Variants in PITPNC1 observed in about 807,000 individuals in gnomAD.
PITPNC1 encodes the protein cytoplasmic phosphatidylinositol transfer protein 1.
Under a neutral mutation model 44.7 loss-of-function variants are expected in PITPNC1, and 18 were observed. That is an observed-to-expected ratio of 0.40 (90% CI 0.28 to 0.60). The LOEUF is 0.60. Among genes scored for constraint, PITPNC1 ranks in the 20% least tolerant of loss-of-function variants. The probability of loss-of-function intolerance (pLI) is 0.39; values close to 1 mark genes in which losing one functional copy is unlikely to be tolerated. For missense variants in PITPNC1, 290 were observed against 418.4 expected (o/e 0.69, Z 2.68); for synonymous variants, 141 against 149.6 (o/e 0.94, Z 0.42).
At chr17:67,590,848 G>A (rs1187585793) in intron 5 of PITPNC1, among the ~76,000 whole-genome samples, 1 of 152,026 alleles carries the variant, frequency 6.6e-6, no homozygotes, top group Non-Finnish European at 1.5e-5. Flanking sequence ...AGCTACTGGG[G>A]AGGCTGAGGC....
intron 6 of PITPNC1, among the ~76,000 whole-genome samples, chr17:67,646,469 G>A (rs1323284772): frequency 1.3e-5 from 2 of 152,166 alleles, no homozygotes; most frequent in Non-Finnish European, 2.9e-5. Flanking sequence ...AATTTTCAAC[G>A]AAAATTTCTC....
At chr17:67,630,367 C>T (rs998082459) in intron 5 of PITPNC1, among the ~76,000 whole-genome samples, 3 of 152,200 alleles carry the variant, frequency 2.0e-5, no homozygotes, top group African/African-American at 7.2e-5. Flanking sequence ...CCTGTAATCC[C>T]AGCACTTTGG....
At chr17:67,619,692 T>C (rs951500947) in intron 5 of PITPNC1, among the ~76,000 whole-genome samples, 1 of 152,090 alleles carries the variant, frequency 6.6e-6, no homozygotes, top group Admixed American at 6.6e-5. Flanking sequence ...CACCATCAGG[T>C]GCTCCTCTGA....
intron 1 of PITPNC1, among the ~76,000 whole-genome samples, chr17:67,416,372 C>T (rs1004899046): frequency 3.3e-5 from 5 of 151,584 alleles, no homozygotes; most frequent in African/African-American, 7.3e-5. Flanking sequence ...CCAGCCACCA[C>T]GCTTGGCTAA....
chr17:67,436,078 C>A (rs1202535637), intron 1 of PITPNC1, among the ~76,000 whole-genome samples: 1 of 152,030 alleles, frequency 6.6e-6, no homozygotes, highest in Non-Finnish European at 1.5e-5. Flanking sequence ...CTGCAGCCTC[C>A]AATTCCTGGG....
chr17:67,614,816 C>A (rs2041736664), intron 5 of PITPNC1, among the ~76,000 whole-genome samples: 1 of 151,758 alleles, frequency 6.6e-6, no homozygotes, highest in Non-Finnish European at 1.5e-5. Context: ...AGTTTGAGAG[C>A]AGCCTGGGGA....
chr17:67,478,602 C>T (rs1026234128), intron 1 of PITPNC1, among the ~76,000 whole-genome samples: 5 of 152,042 alleles, frequency 3.3e-5, no homozygotes, highest in African/African-American at 4.8e-5. Context: ...CTTCCTCCCC[C>T]AAAGAAAAAC....
At chr17:67,470,301 ACT>A (rs1027056268) in intron 1 of PITPNC1, among the ~76,000 whole-genome samples, 8 of 152,170 alleles carry the variant, frequency 5.3e-5, no homozygotes, top group Admixed American at 3.3e-4. Flanking sequence ...ATATACACAC[ACT>A]GTAGTCATGT....
chr17:67,651,490 G>T (rs2042209182), intron 6 of PITPNC1, among the ~76,000 whole-genome samples: 1 of 151,312 alleles, frequency 6.6e-6, no homozygotes, highest in African/African-American at 2.4e-5. Context: ...TCTAGCCCAG[G>T]TGACAGAATG....
At chr17:67,431,161 C>T (rs1046923452) in intron 1 of PITPNC1, among the ~76,000 whole-genome samples, 2 of 150,656 alleles carry the variant, frequency 1.3e-5, no homozygotes, top group African/African-American at 2.4e-5. Context: ...CGGGTTCAAG[C>T]GATTCTCATG....
chr17:67,403,499 G>C (rs57478291), intron 1 of PITPNC1, among the ~76,000 whole-genome samples: 1 of 152,126 alleles, frequency 6.6e-6, no homozygotes, highest in African/African-American at 2.4e-5. Context: ...ATATGTGTCC[G>C]TGTGGACATT....
intron 5 of PITPNC1, among the ~76,000 whole-genome samples, chr17:67,618,991 G>A (rs1003452128): frequency 6.6e-6 from 1 of 151,876 alleles, no homozygotes; most frequent in Non-Finnish European, 1.5e-5. Flanking sequence ...CCCGGGAGGT[G>A]GATCTTGCAG....
intron 1 of PITPNC1, among the ~76,000 whole-genome samples, chr17:67,507,034 G>C (rs2040113300): frequency 1.3e-5 from 2 of 152,080 alleles, no homozygotes; most frequent in African/African-American, 4.8e-5. Context: ...GTGGTTTCTT[G>C]TAATGACATA....
At chr17:67,607,818 T>C (rs1285996415) in intron 5 of PITPNC1, among the ~76,000 whole-genome samples, 1 of 151,374 alleles carries the variant, frequency 6.6e-6, no homozygotes, top group African/African-American at 2.4e-5. Context: ...AACCTCTGCC[T>C]CCCGGGTTCA....
At chr17:67,563,974 T>C (rs11079697) in intron 4 of PITPNC1, among the ~76,000 whole-genome samples, 93,996 of 151,944 alleles carry the variant, frequency 0.62, 30,757 homozygotes, top group East Asian at 0.79. Flanking sequence ...TAGATATTAA[T>C]AGATAAGAGA....
At chr17:67,667,647 G>C (rs1044022322) in intron 6 of PITPNC1, among the ~76,000 whole-genome samples, 12 of 149,410 alleles carry the variant, frequency 8.0e-5, no homozygotes, top group Admixed American at 3.4e-4. Context: ...GCAATCATTA[G>C]ACAAATATTG....
rs1039107638 is a variant in PITPNC1, at chr17:67,693,666, A to G, written c.*778A>G. ...AGGTGAGGCAACATCTTTTTTCTCT[A>G]CAGGTACCAACAAACCTTGACTTGT... On this transcript the variant is annotated 3_prime_UTR_variant, in exon 9 of 9. Coordinates refer to ENST00000581322, the MANE Select transcript of PITPNC1 (RefSeq NM_012417.4). 6.6e-6 allele frequency: 1 copy of G among 152,174 alleles called. No homozygotes were observed. The highest frequency in any genetic ancestry group is 2.4e-5 in the African/African-American group (1 of 41,430). 9.4% of individuals were successfully genotyped at this position (152,174 alleles called of 1,614,324 possible). A position where few individuals can be genotyped will look rare whatever the true frequency, so the allele number is the denominator to read the frequency against.
intron 8 of PITPNC1, among the ~76,000 whole-genome samples, chr17:67,690,147 T>C (rs1280568127): frequency 6.6e-6 from 1 of 152,166 alleles, no homozygotes; most frequent in Non-Finnish European, 1.5e-5. Flanking sequence ...TGCTCAGATG[T>C]TATAAAACCT....
chr17:67,646,386 T>A (rs1006532128), intron 6 of PITPNC1, among the ~76,000 whole-genome samples: 12 of 152,232 alleles, frequency 7.9e-5, no homozygotes, highest in African/African-American at 2.9e-4. Context: ...ATTAAGGTGC[T>A]TGTCTTCATC....
Sources: gnomAD v4.1 joint callset for allele counts (sites outside exome capture counted in the v4.1 genomes callset) on GRCh38, gnomAD v4.1.1 for gene constraint, MANE v1.5 for transcripts, NCBI Gene and HGNC (gene_info 2026-07-23, HGNC 2026-07-21) for gene names.